RTTN: variants seen among roughly 807,000 people sequenced by gnomAD.
RTTN encodes rotatin.
A neutral mutation model predicts 269.2 loss-of-function variants in RTTN; 182 were observed. The observed-to-expected ratio is 0.68, with a 90% CI of 0.60 to 0.76. RTTN has a LOEUF of 0.76. Among genes scored for constraint, RTTN ranks in the 30% least tolerant of loss-of-function variants. RTTN has a pLI of 0.00. For missense variants in RTTN, 2,545 were observed against 2,608.6 expected, an observed-to-expected ratio of 0.98 and a Z score of 0.53; for synonymous variants, 1,006 against 963.5, an observed-to-expected ratio of 1.04 and a Z score of -0.82.
At chr18:70,005,031 T>C (rs926021124) in intron 48 of RTTN, among the ~76,000 whole-genome samples, 167 bp downstream of exon 48, 2 of 151,282 alleles carry the variant, frequency 1.3e-5, no homozygotes, top group East Asian at 3.8e-4. Flanking sequence ...TAAACCTTCA[T>C]CTATCTATTT....
chr18:70,050,910 C>T (rs757264304), intron 39 of RTTN, among the ~76,000 whole-genome samples: 6 of 151,968 alleles, frequency 3.9e-5, no homozygotes, highest in East Asian at 1.9e-4. Context: ...CATCACACAC[C>T]GTGTCGGGGG....
chr18:70,073,659 G>C (rs1226306005), intron 34 of RTTN, among the ~76,000 whole-genome samples: 1 of 152,158 alleles, frequency 6.6e-6, no homozygotes, highest in African/African-American at 2.4e-5. Flanking sequence ...GCTACCTATA[G>C]CACTAATGAT....
intron 3 of RTTN, 60 bp downstream of exon 3, chr18:70,204,026 T>C: frequency 1.6e-6 from 2 of 1,283,110 alleles, no homozygotes; most frequent in South Asian, 1.5e-5. Flanking sequence ...TAATCTCCCT[T>C]TCCTTAAAAT....
chr18:70,189,171 A>G (rs892175016), intron 9 of RTTN, among the ~76,000 whole-genome samples: 2 of 152,226 alleles, frequency 1.3e-5, no homozygotes, highest in African/African-American at 4.8e-5. Flanking sequence ...ACAGATAAAC[A>G]TATGTACTTT....
Position 70,128,078 on chromosome 18 carries a change from C to G in RTTN, c.3143+280G>C, listed in dbSNP as rs2059911051. 1.2e-5 allele frequency: 5 copies of G among 418,930 alleles called. No homozygotes were observed. In the East Asian group the frequency reaches 2.1e-4, roughly 18 times the overall value. The allele number at this position is 418,930 out of a possible 1,614,324, so 26.0% of individuals were successfully genotyped here. A position where few individuals can be genotyped will look rare whatever the true frequency, so the allele number is the denominator to read the frequency against. On this transcript the variant is annotated intron_variant, in intron 24 of 48. Transcript: ENST00000640769. ...CTGAGATTTTGTTCTAATCCAGGAC[C>G]CTTTTCCTAGTGATTCATATCTACG...
intron 28 of RTTN, among the ~76,000 whole-genome samples, chr18:70,106,105 T>C (rs2059314065): frequency 6.6e-6 from 1 of 152,158 alleles, no homozygotes; most frequent in Non-Finnish European, 1.5e-5. Context: ...AGCAGCACTT[T>C]GGTAGGCCAA....
chr18:70,061,695 G>A (rs2144915060), intron 35 of RTTN, among the ~76,000 whole-genome samples: 1 of 152,192 alleles, frequency 6.6e-6, no homozygotes, highest in South Asian at 2.1e-4. Flanking sequence ...AAATGAACCA[G>A]GCATGGCGGC....
intron 34 of RTTN, among the ~76,000 whole-genome samples, chr18:70,071,379 T>C (rs1023838857): frequency 3.3e-5 from 5 of 152,162 alleles, no homozygotes; most frequent in African/African-American, 1.2e-4. Context: ...CATATTTTAT[T>C]TTGACAATTG....
chr18:70,074,395 T>C (rs1395065066), intron 33 of RTTN, among the ~76,000 whole-genome samples: 2 of 152,126 alleles, frequency 1.3e-5, no homozygotes, highest in Admixed American at 1.3e-4. Flanking sequence ...ATATTTAAAA[T>C]GTTCAAAACT....
At chr18:70,038,007 AAAGGAG>A (rs2057227746) in intron 40 of RTTN, among the ~76,000 whole-genome samples, 2 of 14,708 alleles carry the variant, frequency 1.4e-4, no homozygotes, top group Non-Finnish European at 4.1e-3. Flanking sequence ...TTGGTGGCCA[AAAGGAG>A]AGTCTCCTTT....
intron 19 of RTTN, among the ~76,000 whole-genome samples, chr18:70,141,741 C>T (rs751099413): frequency 2.0e-5 from 3 of 152,020 alleles, no homozygotes; most frequent in Non-Finnish European, 4.4e-5. Flanking sequence ...GCACATTGTG[C>T]ACATGTACCC....
chr18:70,092,342 A>C (rs2058872376), intron 29 of RTTN, 122 bp from the exon 30 acceptor site: 2 of 715,168 alleles, frequency 2.8e-6, no homozygotes, highest in Admixed American at 3.0e-5. Context: ...CTTGGTTTTA[A>C]TCCATTATTC....
intron 11 of RTTN, among the ~76,000 whole-genome samples, chr18:70,173,684 A>C (rs945346225): frequency 2.0e-5 from 3 of 152,180 alleles, no homozygotes; most frequent in Non-Finnish European, 4.4e-5. Flanking sequence ...GTACACCACG[A>C]AACACTGATG....
intron 7 of RTTN, chr18:70,194,176 A>C (rs2146121958): frequency 6.6e-6 from 1 of 152,342 alleles, no homozygotes; most frequent in East Asian, 1.9e-4. Context: ...TAAGCACATA[A>C]AAAGTTATTA....
chr18:70,145,939 ATTC>A (rs1440651619), intron 17 of RTTN, among the ~76,000 whole-genome samples, 156 bp from the exon 18 acceptor site: 1 of 152,228 alleles, frequency 6.6e-6, no homozygotes, highest in Non-Finnish European at 1.5e-5. Context: ...TCTACTAAAA[ATTC>A]TTCGATATAT....
intron 8 of RTTN, 52 bp downstream of exon 8, chr18:70,193,236 A>T: frequency 6.7e-7 from 1 of 1,502,530 alleles, no homozygotes; most frequent in South Asian, 1.2e-5. Flanking sequence ...ATTAACACAC[A>T]CACAAGTTAA....
intron 44 of RTTN, among the ~76,000 whole-genome samples, chr18:70,022,946 A>T (rs2056747579): frequency 6.6e-6 from 1 of 152,156 alleles, no homozygotes; most frequent in Non-Finnish European, 1.5e-5. Flanking sequence ...CGTGGCTTTA[A>T]GTACAATCTA....
At chr18:70,014,731 C>G (rs552040823) in intron 46 of RTTN, among the ~76,000 whole-genome samples, 1 of 151,988 alleles carries the variant, frequency 6.6e-6, no homozygotes, top group Non-Finnish European at 1.5e-5. Flanking sequence ...TATTTTTGAC[C>G]CATCCATCTA....
intron 11 of RTTN, among the ~76,000 whole-genome samples, chr18:70,175,064 A>AG (rs1374702772): frequency 1.3e-5 from 2 of 150,754 alleles, no homozygotes; most frequent in South Asian, 2.1e-4. Flanking sequence ...AAAAAAAAAA[A>AG]AAGAATAAAT....
Sources: gnomAD v4.1 joint callset for allele counts (sites outside exome capture counted in the v4.1 genomes callset) on GRCh38, gnomAD v4.1.1 for gene constraint, MANE v1.5 for transcripts, NCBI Gene and HGNC (gene_info 2026-07-23, HGNC 2026-07-21) for gene names.